SATB2: variants seen among roughly 807,000 people sequenced by gnomAD.
SATB2 encodes the protein SATB homeobox 2.
In SATB2, 1 loss-of-function variant was observed where a neutral mutation model predicts 73.4. The observed-to-expected ratio is 0.01, with a 90% CI of 0.00 to 0.06. The LOEUF (loss-of-function observed/expected upper bound fraction) is 0.06, where lower values mean the gene tolerates loss of function less well. Ranked by LOEUF, SATB2 falls within the 10% of genes least tolerant of loss-of-function variation. The pLI is 1.00. For synonymous variants in SATB2, 397 were observed against 367.0 expected (o/e 1.08, Z -0.93); for missense variants, 459 against 945.8 (o/e 0.49, Z 6.75).
In SATB2 at chr2:199,464,474, T is replaced by C. The variant is rs541038074; in HGVS notation, c.-141+362A>G. On this transcript the variant is annotated intron_variant, in intron 1 of 11. Coordinates refer to the SATB2 transcript ENST00000260926. The surrounding 1 kb of genome is among the most constrained non-coding windows in gnomAD (Gnocchi z 6.6). ...ACACACAGAGGGACTTGTCAACTAT[T>C]GAGACAGCGACCCAGAAAGGTGTAA... Among the ~76,000 whole-genome samples, 65 of 151,932 alleles carry C rather than the reference T, an allele frequency of 4.3e-4. 1 individual carries two copies. Among genetic ancestry groups the C allele is most frequent in the African/African-American group, 1.5e-3 (63 of 41,310 alleles).
chr2:199,341,383 G>A (rs1332054653), intron 7 of SATB2, among the ~76,000 whole-genome samples: 2 of 152,202 alleles, frequency 1.3e-5, no homozygotes, highest in African/African-American at 2.4e-5. Flanking sequence ...GGAGGAGTAG[G>A]GCCGAGAGGC....
At chr2:199,313,572 C>T (rs1301626213) in intron 9 of SATB2, among the ~76,000 whole-genome samples, 1 of 152,142 alleles carries the variant, frequency 6.6e-6, no homozygotes, top group African/African-American at 2.4e-5. Flanking sequence ...TCCAACTATG[C>T]AGGTGAGATG....
intron 10 of SATB2, among the ~76,000 whole-genome samples, chr2:199,277,737 T>C (rs1692360583): frequency 6.6e-6 from 1 of 152,200 alleles, no homozygotes; most frequent in Non-Finnish European, 1.5e-5. Context: ...ACCATTCATA[T>C]AAAGCTTACT....
intron 6 of SATB2, 99 bp from the exon 7 acceptor site, chr2:199,349,272 T>C: frequency 1.1e-6 from 1 of 946,406 alleles, no homozygotes; most frequent in Non-Finnish European, 1.6e-6. Flanking sequence ...GGCATGTTAA[T>C]AATATAAACA....
chr2:199,445,413 A>G (rs989758051), intron 2 of SATB2, among the ~76,000 whole-genome samples: 2 of 152,132 alleles, frequency 1.3e-5, no homozygotes, highest in Non-Finnish European at 2.9e-5. Context: ...CATGAAACAA[A>G]ATGGTTCTTA....
intron 7 of SATB2, among the ~76,000 whole-genome samples, chr2:199,344,152 C>A (rs1688584307): frequency 6.6e-6 from 1 of 152,054 alleles, no homozygotes; most frequent in South Asian, 2.1e-4. Context: ...CAATTTTATC[C>A]TTAGCCAAAG....
chr2:199,386,710 GCGCGCGCACACACACA>G (rs1157589776), intron 3 of SATB2, among the ~76,000 whole-genome samples: 10,803 of 89,994 alleles, frequency 0.12, 522 homozygotes, highest in East Asian at 0.27. Flanking sequence ...GCGCGCGCGC[GCGCGCGCACACACACA>G]CACACACACA....
chr2:199,443,293 A>G (rs1426494943), intron 2 of SATB2, among the ~76,000 whole-genome samples: 1 of 152,136 alleles, frequency 6.6e-6, no homozygotes, highest in African/African-American at 2.4e-5. Flanking sequence ...TGTTAAGGAA[A>G]GGTTAACAGT....
upstream of SATB2, among the ~76,000 whole-genome samples, chr2:199,462,024 G>A (rs1692486647): frequency 6.6e-6 from 1 of 152,190 alleles, no homozygotes; most frequent in Non-Finnish European, 1.5e-5. This position sits in a 1 kb window ranked among gnomAD's most constrained non-coding sequence, Gnocchi z 5.9. Context: ...GCTCTCGCCT[G>A]GGCCATCCCG....
rs1297874910 is a variant in SATB2 at position 199,296,316 on chromosome 2, G to C, written c.1740+12444C>G. On this transcript the variant is annotated intron_variant, in intron 10 of 10. Transcript: ENST00000417098. ...AATACTCAAATGGAAATTAGAAATG[G>C]ATGAGCCAACTCACAGTATGAGTGT... 2.6e-5 allele frequency among the ~76,000 whole-genome samples: 4 copies of C among 152,070 alleles called. No individual in the cohort carries two copies. The South Asian group carries it at 6.2e-4, about 24-fold the overall frequency.
At chr2:199,320,251 C>A (rs577675665) in intron 9 of SATB2, among the ~76,000 whole-genome samples, 1 of 152,116 alleles carries the variant, frequency 6.6e-6, no homozygotes, top group Non-Finnish European at 1.5e-5. Context: ...ACCCCTAACT[C>A]CTAATTCACA....
chr2:199,353,148 C>CTT (rs11369554), intron 6 of SATB2, among the ~76,000 whole-genome samples: 9,230 of 88,016 alleles, frequency 0.1, 1,466 homozygotes, highest in Middle Eastern at 0.19. Flanking sequence ...ACGTTTTTGT[C>CTT]TTTTTTTTTT....
intron 10 of SATB2, among the ~76,000 whole-genome samples, chr2:199,292,847 C>T (rs1420185544): frequency 6.6e-6 from 1 of 152,110 alleles, no homozygotes; most frequent in Non-Finnish European, 1.5e-5. Flanking sequence ...TGATGGTACA[C>T]AGAGGAATTT....
chr2:199,278,554 T>C (rs1304853853), intron 10 of SATB2, among the ~76,000 whole-genome samples: 4 of 152,174 alleles, frequency 2.6e-5, no homozygotes, highest in Non-Finnish European at 2.9e-5. Context: ...TGCTTGGCAT[T>C]CCACCATCAG....
chr2:199,359,386 A>G (rs912969318), intron 6 of SATB2, among the ~76,000 whole-genome samples: 1 of 152,344 alleles, frequency 6.6e-6, no homozygotes, highest in East Asian at 1.9e-4. Context: ...AACTGAATTG[A>G]CTACTGTTAA....
upstream of SATB2, chr2:199,458,835 C>G (rs1692387224): frequency 3.1e-6 from 1 of 317,512 alleles, no homozygotes; most frequent in Non-Finnish European, 6.2e-6. Context: ...CCCTCCGCGC[C>G]GAGCCGAACG....
At chr2:199,381,350 T>A (rs1384121441) in intron 4 of SATB2, among the ~76,000 whole-genome samples, 1 of 152,158 alleles carries the variant, frequency 6.6e-6, no homozygotes, top group South Asian at 2.1e-4. Context: ...ATTCTTCAAA[T>A]ACTATGTGCT....
At chr2:199,377,998 A>G (rs1230992213) in intron 5 of SATB2, among the ~76,000 whole-genome samples, 1 of 152,160 alleles carries the variant, frequency 6.6e-6, no homozygotes, top group African/African-American at 2.4e-5. Context: ...ACGTCAAGAC[A>G]ACCCTCCGAA....
chr2:199,396,357 C>T (rs1690300093), intron 3 of SATB2: 2 of 152,112 alleles, frequency 1.3e-5, no homozygotes, highest in South Asian at 4.1e-4. Context: ...CTCAAAATGG[C>T]TATTGGAATT....
Sources: allele counts gnomAD v4.1 joint callset (sites outside exome capture counted in the v4.1 genomes callset), GRCh38; gene constraint gnomAD v4.1.1; non-coding constraint Gnocchi (gnomAD v3.1); transcripts MANE v1.5; gene names NCBI Gene and HGNC (gene_info 2026-07-23, HGNC 2026-07-21).